TADA2A: variants seen among roughly 807,000 people sequenced by gnomAD.
TADA2A encodes transcriptional adaptor 2A.
A neutral mutation model predicts 67.4 loss-of-function variants in TADA2A; 38 were observed. The observed-to-expected ratio is 0.56, with a 90% CI of 0.44 to 0.74. The LOEUF (loss-of-function observed/expected upper bound fraction) is 0.74, where lower values mean the gene tolerates loss of function less well. TADA2A is among the 30% of genes least tolerant of loss of function. TADA2A has a pLI of 0.00. For missense variants in TADA2A, 454 were observed against 547.0 expected (o/e 0.83, Z 1.70); for synonymous variants, 192 against 181.6 (o/e 1.06, Z -0.46).
intron 12 of TADA2A, 64 bp from the exon 13 acceptor site, chr17:37,470,336 A>C: frequency 6.3e-7 from 1 of 1,583,350 alleles, no homozygotes; most frequent in East Asian, 2.3e-5. Context: ...TTTCTTGGTC[A>C]GTTAGGAAGC....
intron 3 of TADA2A, chr17:37,426,687 AAAC>A: frequency 2.8e-5 from 7 of 245,676 alleles, no homozygotes; most frequent in Non-Finnish European, 3.8e-5. Flanking sequence ...AAAAAAAAAA[AAAC>A]TTGTCAAGAA....
chr17:37,474,427 A>G, intron 14 of TADA2A, 129 bp from the exon 15 acceptor site: 1 of 775,596 alleles, frequency 1.3e-6, no homozygotes, highest in Non-Finnish European at 2.1e-6. Context: ...GGAATGGGAC[A>G]GGATTTCCTA....
rs373018253 is a variant in TADA2A at position 37,440,532 on chromosome 17, C to G, written c.312C>G (p.Thr104=). ...AGGATGTAGCCAATCAAATGTGCAC[C>G]AAGACCAAGGAGGAGTGTGAGAAGC... ...NWQDVANQMC[T]KTKEECEKHY... is the part of the protein sequence containing the mutation. The change falls in exon 6 of 16, where the codon ACC becomes ACG. Residue 104 remains threonine (T), a synonymous_variant. Transcript: ENST00000615182. The G allele has an allele frequency of 2.1e-5, 34 of 1,614,096 alleles. No individual in the cohort carries two copies. Among genetic ancestry groups the G allele is most frequent in the Non-Finnish European group, 2.9e-5 (34 of 1,180,010 alleles).
intron 3 of TADA2A, among the ~76,000 whole-genome samples, chr17:37,424,706 G>A (rs533644583): frequency 6.6e-6 from 1 of 151,832 alleles, no homozygotes; most frequent in Non-Finnish European, 1.5e-5. Context: ...ACAGGCATGC[G>A]CCACCACACC....
At position 37,458,606 on chromosome 17, in the gene TADA2A, C is replaced by A; in HGVS notation, c.668+19C>A. ...GAAAAAAGTAAGTATAAAAAACCAT[C>A]CTGGCCTCCTTTCAGCTTTGGATTA... On this transcript the variant is annotated intron_variant, in intron 9 of 15. Coordinates refer to ENST00000615182, the MANE Select transcript of TADA2A (RefSeq NM_001166105.3). 1.9e-6 allele frequency: 3 copies of A among 1,603,636 alleles called. No individual in the cohort carries two copies. The highest frequency in any genetic ancestry group is 2.6e-6 in the Non-Finnish European group (3 of 1,172,024).
intron 7 of TADA2A, among the ~76,000 whole-genome samples, chr17:37,443,481 T>G (rs1012346423): frequency 7.2e-5 from 11 of 152,248 alleles, no homozygotes; most frequent in Middle Eastern, 6.8e-3. Flanking sequence ...CTCAAACTCC[T>G]GACCTCAGGC....
chr17:37,456,140 G>A (rs2053384944), intron 8 of TADA2A, among the ~76,000 whole-genome samples: 1 of 152,128 alleles, frequency 6.6e-6, no homozygotes, highest in African/African-American at 2.4e-5. Context: ...GGAGGCAGAG[G>A]TTGCAGTGAG....
At chr17:37,474,687 G>A in intron 15 of TADA2A, 58 bp downstream of exon 15, 1 of 1,542,834 alleles carries the variant, frequency 6.5e-7, no homozygotes, top group Non-Finnish European at 8.8e-7. Flanking sequence ...TCATTGAGTT[G>A]TCATTAAAAA....
chr17:37,478,787 CTG>C lies in TADA2A; in HGVS notation c.*1807_*1808del, dbSNP rs2053936611. On this transcript the variant is annotated 3_prime_UTR_variant, in exon 16 of 16. Coordinates refer to ENST00000615182, the MANE Select transcript of TADA2A (RefSeq NM_001166105.3). ...TGGAAGCATCTGCTCAAACTTTTGA[CTG>C]TTGTAAATATGCATGCAGCTGGGAA... The C allele has an allele frequency of 6.6e-6, 1 of 152,122 alleles. No individual in the cohort carries two copies. Among genetic ancestry groups the C allele is most frequent in the Non-Finnish European group, 1.5e-5 (1 of 68,032 alleles). 9.4% of individuals were successfully genotyped at this position (152,122 alleles called of 1,614,324 possible).
intron 3 of TADA2A, chr17:37,426,732 C>A: frequency 2.6e-6 from 1 of 386,178 alleles, no homozygotes; most frequent in Non-Finnish European, 4.6e-6. Flanking sequence ...GTAATCTTAG[C>A]ACTTTGGGAG....
At chr17:37,424,739 A>G (rs2052352074) in intron 3 of TADA2A, among the ~76,000 whole-genome samples, 1 of 152,040 alleles carries the variant, frequency 6.6e-6, no homozygotes, top group Non-Finnish European at 1.5e-5. Context: ...TATTTTTAGT[A>G]TAGACAGGGT....
At chr17:37,458,823 T>C (rs2053471938) in intron 9 of TADA2A, among the ~76,000 whole-genome samples, 1 of 152,046 alleles carries the variant, frequency 6.6e-6, no homozygotes, top group Admixed American at 6.6e-5. Context: ...ACTACAGCAG[T>C]GCGCCACCAT....
At chr17:37,430,239 A>G (rs781607800) in intron 4 of TADA2A, among the ~76,000 whole-genome samples, 1 of 152,194 alleles carries the variant, frequency 6.6e-6, no homozygotes, top group African/African-American at 2.4e-5. Flanking sequence ...TTCAACACCC[A>G]TACAATCACA....
intron 4 of TADA2A, among the ~76,000 whole-genome samples, chr17:37,428,728 G>A (rs1310137515): frequency 6.6e-6 from 1 of 151,872 alleles, no homozygotes; most frequent in African/African-American, 2.4e-5. Flanking sequence ...ATAGGCACAA[G>A]CCACCATGCC....
chr17:37,436,758 T>C (rs966955342), intron 4 of TADA2A, among the ~76,000 whole-genome samples: 1 of 151,734 alleles, frequency 6.6e-6, no homozygotes, highest in African/African-American at 2.4e-5. Flanking sequence ...TACCCTGTTC[T>C]CTTTCTTCCT....
At chr17:37,461,248 C>T (rs930512590) in intron 9 of TADA2A, among the ~76,000 whole-genome samples, 13 of 152,110 alleles carry the variant, frequency 8.5e-5, no homozygotes, top group African/African-American at 3.1e-4. Context: ...AATGCTGCCG[C>T]TCCTCTGACA....
rs371648201 is a variant in TADA2A, at chr17:37,479,678, A to C, written c.*2696A>C. On this transcript the variant is annotated 3_prime_UTR_variant, in exon 16 of 16. Transcript: ENST00000615182. Reference sequence around the variant, plus strand: ...AAAAGTTTCTGCTGGAGTTTTATGCATATTTTTCTCTCTAAGTGGTGGGAA... The same window carrying C: ...AAAAGTTTCTGCTGGAGTTTTATGCCTATTTTTCTCTCTAAGTGGTGGGAA... The C allele has an allele frequency of 5.3e-5, 8 of 152,322 alleles. No individual in the cohort carries two copies. Among genetic ancestry groups the C allele is most frequent in the African/African-American group, 1.9e-4 (8 of 41,580 alleles). The allele number at this position is 152,322 out of a possible 1,614,324, so 9.4% of individuals were successfully genotyped here. A position where few individuals can be genotyped will look rare whatever the true frequency, so the allele number is the denominator to read the frequency against.
At chr17:37,423,105 C>T (rs1016543789) in intron 2 of TADA2A, among the ~76,000 whole-genome samples, 5 of 152,104 alleles carry the variant, frequency 3.3e-5, no homozygotes, top group African/African-American at 9.7e-5. Context: ...GTGGCATGTG[C>T]CTGTAGTCCT....
intron 4 of TADA2A, among the ~76,000 whole-genome samples, chr17:37,428,769 A>G (rs1401138406): frequency 2.6e-5 from 4 of 152,136 alleles, no homozygotes; most frequent in African/African-American, 9.7e-5. Context: ...TTTGTAGGCC[A>G]GGCTTGGTGG....
Sources: gnomAD v4.1 joint callset for allele counts (sites outside exome capture counted in the v4.1 genomes callset) on GRCh38, gnomAD v4.1.1 for gene constraint, MANE v1.5 for transcripts, NCBI Gene and HGNC (gene_info 2026-07-23, HGNC 2026-07-21) for gene names.